Variants in ZNF564 observed in about 807,000 individuals in gnomAD.
The protein encoded by ZNF564 is zinc finger protein 564.
In ZNF564, 5 loss-of-function variants were observed where a neutral mutation model predicts 10.5. That is an observed-to-expected ratio of 0.48 (90% CI 0.25 to 1.00). ZNF564 has a LOEUF of 1.00. Among genes scored for constraint, ZNF564 ranks in the 50% least tolerant of loss-of-function variants. ZNF564 has a pLI of 0.16. For missense variants in ZNF564, 603 were observed against 669.7 expected (o/e 0.90, Z 1.10); for synonymous variants, 242 against 218.1 (o/e 1.11, Z -0.97).
chr19:12,528,796 G>C, intron 1 of ZNF564, 100 bp from the exon 2 acceptor site: 1 of 1,348,464 alleles, frequency 7.4e-7, no homozygotes, highest in Non-Finnish European at 1.0e-6. Context: ...AGGTGTGGTG[G>C]CTCATGCCTG....
In ZNF564 at chr19:12,541,030, C is replaced by T. The variant is rs553544853; in HGVS notation, c.3+10300G>A. On this transcript the variant is annotated intron_variant, in intron 1 of 3. Transcript: ENST00000339282. ...TCAAAAAAAAAAAAAGACAGCATAG[C>T]CCCAGCCTCAGGAATGTGGCAAAAC... 1.8e-3 allele frequency among the ~76,000 whole-genome samples: 265 copies of T among 144,726 alleles called. 3 individuals carry two copies. Among genetic ancestry groups the T allele is most frequent in the African/African-American group, 6.7e-3 (253 of 38,018 alleles). 94.9% of individuals were successfully genotyped at this position (144,726 alleles called of 152,430 possible).
At chr19:12,548,935 T>C (rs1254567181) in intron 1 of ZNF564, 1 of 698,222 alleles carries the variant, frequency 1.4e-6, no homozygotes, top group African/African-American at 1.8e-5. Context: ...CGTTTCTCTG[T>C]AGCCATAATG....
At position 12,551,315 on chromosome 19, in the gene ZNF564, G is replaced by A. The variant is rs1375066271; in HGVS notation, c.3+15C>T. 2.5e-6 allele frequency: 4 copies of A among 1,606,788 alleles called. No individual in the cohort carries two copies. Among genetic ancestry groups the A allele is most frequent in the South Asian group, 2.2e-5 (2 of 90,112 alleles). On this transcript the variant is annotated intron_variant, in intron 1 of 3. Coordinates refer to ENST00000339282, the MANE Select transcript of ZNF564 (RefSeq NM_144976.4). The stretch of plus-strand genomic sequence containing the variant: ...CCCTCCCCCAGTCTCCAGGCGCCCG[G>A]CCCCGCACACGCACCATTTCCTGGC...
chr19:12,532,648 G>C (rs2021832702), intron 1 of ZNF564, among the ~76,000 whole-genome samples: 1 of 151,256 alleles, frequency 6.6e-6, no homozygotes, highest in South Asian at 2.1e-4. Flanking sequence ...CTGCAGCCTG[G>C]GAGTTCAAGG....
chr19:12,527,636 T>C lies in ZNF564; in HGVS notation c.472A>G (p.Arg158Gly), dbSNP rs537874909. 4.4e-5 allele frequency: 71 copies of C among 1,614,188 alleles called. 1 individual carries two copies. The South Asian group carries it at 7.0e-4, about 16-fold the overall frequency. ...TCACCAGTGTGAGTTCTTTCATGTC[T>C]TCGAAAGGATTGACAAGAACTGAAG... ...KAFSSCQSFR[R>G]HERTHTGEKP... The change falls in exon 4 of 4, where the codon AGA (arginine) becomes GGA (glycine). Residue 158 changes from arginine to glycine, a missense_variant. Arg to Gly is a moderately radical substitution (Grantham distance 125, BLOSUM62 -2). Coordinates refer to ENST00000339282, the MANE Select transcript of ZNF564 (RefSeq NM_144976.4).
chr19:12,533,727 C>CAAAAAAAAAAAAAAAAAAAAAAAA (rs59631972), intron 1 of ZNF564, among the ~76,000 whole-genome samples: 6 of 29,172 alleles, frequency 2.1e-4, no homozygotes, highest in African/African-American at 5.1e-4. Context: ...CTGCTGTCTC[C>CAAAAAAAAAAAAAAAAAAAAAAAA]AAAAAAAAAA....
At chr19:12,534,636 A>C (rs1012006385) in intron 1 of ZNF564, among the ~76,000 whole-genome samples, 1 of 152,140 alleles carries the variant, frequency 6.6e-6, no homozygotes, top group Non-Finnish European at 1.5e-5. Flanking sequence ...CAACATGGTG[A>C]AACCTTGTCT....
chr19:12,539,102 T>C (rs2021981484), intron 1 of ZNF564, among the ~76,000 whole-genome samples: 1 of 150,142 alleles, frequency 6.7e-6, no homozygotes, highest in Non-Finnish European at 1.5e-5. Flanking sequence ...GACATGGTGG[T>C]GGGCGCCTGT....
In ZNF564 at chr19:12,527,145, G is replaced by T; in HGVS notation, c.963C>A (p.Pro321=). The T allele has an allele frequency of 6.2e-7, 1 of 1,613,658 alleles. No individual in the cohort carries two copies. The highest frequency in any genetic ancestry group is 8.5e-7 in the Non-Finnish European group (1 of 1,179,904). The change falls in exon 4 of 4, where the codon CCC becomes CCA. Residue 321 remains proline, a synonymous_variant. Coordinates refer to ENST00000339282, the MANE Select transcript of ZNF564 (RefSeq NM_144976.4). ...TTCTTTCATGCTTTCGAACATAACT[G>T]GGAAAAATAAAGGCTCTCCCACATA... The part of the protein sequence containing the change: ...CKVCGRAFIF[P]SYVRKHERTH...
intron 1 of ZNF564, among the ~76,000 whole-genome samples, chr19:12,544,186 C>T (rs1348532700): frequency 1.3e-5 from 2 of 152,132 alleles, no homozygotes; most frequent in African/African-American, 4.8e-5. Flanking sequence ...AATTAGGACA[C>T]TATGGCAGTA....
At chr19:12,547,573 AC>A (rs2022177276) in intron 1 of ZNF564, among the ~76,000 whole-genome samples, 1 of 151,990 alleles carries the variant, frequency 6.6e-6, no homozygotes, top group African/African-American at 2.4e-5. Flanking sequence ...ACAGGGTATC[AC>A]CCTCCCAACT....
In ZNF564 at chr19:12,543,154, T is replaced by C. The variant is rs552659763; in HGVS notation, c.3+8176A>G. Reference sequence around the variant, plus strand: ...TGTCTTTGTAAAAATACAAAAAAATTAGTCAGGCGTGGTGGGGTGCACCTG... The same window carrying C: ...TGTCTTTGTAAAAATACAAAAAAATCAGTCAGGCGTGGTGGGGTGCACCTG... On this transcript the variant is annotated intron_variant, in intron 1 of 3. Coordinates refer to ENST00000339282, the MANE Select transcript of ZNF564 (RefSeq NM_144976.4). Among the ~76,000 whole-genome samples, 22 of 151,006 alleles carry C rather than the reference T, an allele frequency of 1.5e-4. No homozygotes were observed. In the South Asian group the frequency reaches 4.6e-3, roughly 31 times the overall value.
At chr19:12,546,647 C>T (rs1458569386) in intron 1 of ZNF564, among the ~76,000 whole-genome samples, 3 of 152,096 alleles carry the variant, frequency 2.0e-5, no homozygotes. Context: ...AGGAGAATGG[C>T]GTGAACCCAG....
At chr19:12,548,968 T>C (rs1448878258) in intron 1 of ZNF564, 2 of 680,598 alleles carry the variant, frequency 2.9e-6, no homozygotes, top group Non-Finnish European at 5.4e-6. Context: ...TCCCTACTTA[T>C]CTGAGATTCT....
In ZNF564 at chr19:12,551,380, G is replaced by A; in HGVS notation, c.-48C>T. 1.3e-6 allele frequency: 2 copies of A among 1,575,038 alleles called. No individual in the cohort carries two copies. Among genetic ancestry groups the A allele is most frequent in the Non-Finnish European group, 1.7e-6 (2 of 1,161,052 alleles). ...GGGGTCCTGCCTACGGCTCTCTCCG[G>A]CCTGTGCAGGTCCCAGCGCGCCAGA... On this transcript the variant is annotated 5_prime_UTR_variant, in exon 1 of 4. Coordinates refer to ENST00000339282, the MANE Select transcript of ZNF564 (RefSeq NM_144976.4).
intron 1 of ZNF564, among the ~76,000 whole-genome samples, chr19:12,549,392 GCTCA>G (rs1380748875): frequency 1.3e-5 from 2 of 152,022 alleles, no homozygotes; most frequent in African/African-American, 4.8e-5. Context: ...CCCCACCCTG[GCTCA>G]CTGAGTGCTC....
At chr19:12,537,822 A>G (rs1317374436) in intron 1 of ZNF564, among the ~76,000 whole-genome samples, 2 of 152,176 alleles carry the variant, frequency 1.3e-5, no homozygotes, top group Non-Finnish European at 2.9e-5. Context: ...GTATAAAAAT[A>G]ACAGATTTTT....
chr19:12,550,819 C>G (rs1486114645), intron 1 of ZNF564, among the ~76,000 whole-genome samples: 3 of 152,042 alleles, frequency 2.0e-5, no homozygotes, highest in Non-Finnish European at 1.5e-5. Flanking sequence ...GGGAAGGAAC[C>G]GGAAATTTAG....
At chr19:12,534,779 ACTC>A (rs2021876616) in intron 1 of ZNF564, among the ~76,000 whole-genome samples, 1 of 152,118 alleles carries the variant, frequency 6.6e-6, no homozygotes, top group African/African-American at 2.4e-5. Context: ...TTGACACTGC[ACTC>A]CAGCCTGGAC....
Sources: allele counts gnomAD v4.1 joint callset (sites outside exome capture counted in the v4.1 genomes callset), GRCh38; gene constraint gnomAD v4.1.1; transcripts MANE v1.5; gene names NCBI Gene and HGNC (gene_info 2026-07-23, HGNC 2026-07-21).